ABR: variants seen among roughly 807,000 people sequenced by gnomAD.
The protein encoded by ABR is active breakpoint cluster region-related protein.
Under a neutral mutation model 107.2 loss-of-function variants are expected in ABR, and 35 were observed. The ratio of observed to expected loss-of-function variants is 0.33; its 90% CI spans 0.25 to 0.43. The LOEUF is 0.43. Ranked by LOEUF, ABR falls within the 20% of genes least tolerant of loss-of-function variation. The pLI is 1.00. For missense variants in ABR, 815 were observed against 1,115.2 expected (o/e 0.73, Z 3.83); for synonymous variants, 498 against 462.0 (o/e 1.08, Z -1.00).
rs201627443 is a variant in ABR at position 1,037,033 on chromosome 17, A to T, written c.1791+13017T>A. 1.1e-3 allele frequency among the ~76,000 whole-genome samples: 151 copies of T among 134,272 alleles called. 5 individuals are homozygous for T. In the East Asian group the frequency reaches 0.03, roughly 27 times the overall value. The allele number at this position is 134,272 out of a possible 152,430, so 88.1% of individuals were successfully genotyped here. A position where few individuals can be genotyped will look rare whatever the true frequency, so the allele number is the denominator to read the frequency against. ...CTTCCATCCTTCCTTCCTTCCATCC[A>T]TCCACCCATCCATCCATCCATCCAC... On this transcript the variant is annotated intron_variant, in intron 16 of 22. Transcript: ENST00000302538. This position sits in a 1 kb window ranked among gnomAD's most constrained non-coding sequence, Gnocchi z 4.6.
At chr17:1,116,826 G>A (rs62067943) in intron 2 of ABR, among the ~76,000 whole-genome samples, 9,584 of 152,266 alleles carry the variant, frequency 0.063, 417 homozygotes, top group South Asian at 0.18. Context: ...GGTCCAGCTC[G>A]TGTCCTTCTC....
intron 1 of ABR, among the ~76,000 whole-genome samples, chr17:1,160,941 T>C (rs1032017404): frequency 2.0e-5 from 3 of 152,246 alleles, no homozygotes; most frequent in African/African-American, 7.2e-5. Flanking sequence ...CCTTGCTCTC[T>C]GGCCCCGCCA....
At chr17:1,203,858 C>T (rs2042735785) in intron 1 of ABR, among the ~76,000 whole-genome samples, 1 of 152,186 alleles carries the variant, frequency 6.6e-6, no homozygotes, top group African/African-American at 2.4e-5. Context: ...CCCGCCAGGA[C>T]GTTCCGGTGG....
chr17:1,018,669 C>T (rs1053895157), intron 16 of ABR, among the ~76,000 whole-genome samples: 5 of 152,134 alleles, frequency 3.3e-5, no homozygotes, highest in South Asian at 2.1e-4. Flanking sequence ...CGTGCGCACT[C>T]GGGCAAGGCC....
At chr17:1,159,667 A>AGGAATGTGGTACTCACACACAGG in intron 1 of ABR, among the ~76,000 whole-genome samples, 9 of 47,444 alleles carry the variant, frequency 1.9e-4, no homozygotes, top group African/African-American at 3.0e-4. Flanking sequence ...CAGGAGAAGT[A>AGGAATGTGGTACTCACACACAGG]AGAATGCGGT....
At chr17:1,085,624 A>G (rs1199853750) in intron 4 of ABR, among the ~76,000 whole-genome samples, 1 of 152,184 alleles carries the variant, frequency 6.6e-6, no homozygotes, top group African/African-American at 2.4e-5. Context: ...AGTCGCCACC[A>G]GCTACCTGAG....
intron 2 of ABR, among the ~76,000 whole-genome samples, chr17:1,123,766 G>A (rs1237520704): frequency 1.3e-5 from 2 of 152,128 alleles, no homozygotes; most frequent in Non-Finnish European, 2.9e-5. Context: ...TCTCCTCCTT[G>A]CTCTCCCCTG....
chr17:1,102,880 T>C (rs535314171), intron 2 of ABR, among the ~76,000 whole-genome samples: 1 of 152,138 alleles, frequency 6.6e-6, no homozygotes, highest in Non-Finnish European at 1.5e-5. Context: ...CCACTAATTT[T>C]TGTATTTTTA....
In ABR at chr17:1,008,610, T is replaced by C. The variant is rs2070252653; in HGVS notation, c.2342+1069A>G. Among the ~76,000 whole-genome samples the C allele has an allele frequency of 2.0e-5, 3 of 152,094 alleles. No individual in the cohort carries two copies. In the South Asian group the frequency reaches 6.2e-4, roughly 32 times the overall value. On this transcript the variant is annotated intron_variant, in intron 21 of 22. Transcript: ENST00000302538. ...AGTCCTGGCCAAACCAGAGGAAAAATGTTTCATGATGGGAAAAACAAGACA... is the reference window on the plus strand; with the variant it reads ...AGTCCTGGCCAAACCAGAGGAAAAACGTTTCATGATGGGAAAAACAAGACA...
At chr17:1,034,975 C>G (rs975281398) in intron 16 of ABR, among the ~76,000 whole-genome samples, 5 of 151,998 alleles carry the variant, frequency 3.3e-5, no homozygotes, top group Non-Finnish European at 4.4e-5. Context: ...ACTGGATGAA[C>G]GATGGCCAGC....
chr17:1,175,834 G>A (rs568797197), intron 1 of ABR, among the ~76,000 whole-genome samples: 52 of 152,302 alleles, frequency 3.4e-4, no homozygotes, highest in African/African-American at 1.3e-3. Flanking sequence ...GCTCACGCCT[G>A]TAATCCCAGC....
chr17:1,054,836 G>A (rs1414698658), intron 14 of ABR, among the ~76,000 whole-genome samples: 7 of 152,150 alleles, frequency 4.6e-5, no homozygotes, highest in East Asian at 1.9e-4. Context: ...CTGCTCTAAC[G>A]GCCCGGGGAG....
rs560334005 is a variant in ABR, at chr17:1,215,029, G to C, written c.838+13764C>G. ...GAGTCCAGGTGTTTAAGACCACCCT[G>C]GGCAACATGGCAAAACCCCATTTCT... On this transcript the variant is annotated intron_variant, in intron 1 of 22. Coordinates refer to the ABR transcript ENST00000574139. 2.6e-5 allele frequency among the ~76,000 whole-genome samples: 4 copies of C among 151,970 alleles called. No homozygotes were observed. In the South Asian group the frequency reaches 8.3e-4, roughly 32 times the overall value.
intron 1 of ABR, among the ~76,000 whole-genome samples, chr17:1,145,930 C>T (rs1457656289): frequency 6.6e-6 from 1 of 152,230 alleles, no homozygotes; most frequent in Non-Finnish European, 1.5e-5. Flanking sequence ...CACTGGCCTT[C>T]GGCTCAAAAT....
At chr17:1,031,851 T>TGCC in intron 16 of ABR, 2 of 1,096,328 alleles carry the variant, frequency 1.8e-6, no homozygotes, top group Non-Finnish European at 1.1e-6. Flanking sequence ...CGCGCTCGCC[T>TGCC]CCCTCCCTCC....
chr17:1,190,927 A>C (rs1230402489), upstream of ABR, among the ~76,000 whole-genome samples: 1 of 152,218 alleles, frequency 6.6e-6, no homozygotes, highest in Non-Finnish European at 1.5e-5. Flanking sequence ...AATATGATAG[A>C]AATGGATTCT....
At chr17:1,115,096 G>A (rs1409973168) in intron 2 of ABR, among the ~76,000 whole-genome samples, 2 of 152,132 alleles carry the variant, frequency 1.3e-5, no homozygotes, top group East Asian at 1.9e-4. Flanking sequence ...AGGGAAGGGG[G>A]GCCCCATAGG....
intron 1 of ABR, among the ~76,000 whole-genome samples, chr17:1,192,637 G>A (rs1270735452): frequency 2.6e-5 from 4 of 151,742 alleles, no homozygotes; most frequent in African/African-American, 9.7e-5. Context: ...AATTAGCTGG[G>A]CATGGTGGAA....
intron 3 of ABR, among the ~76,000 whole-genome samples, chr17:1,095,786 C>T (rs773860609): frequency 2.8e-4 from 42 of 152,206 alleles, no homozygotes; most frequent in Admixed American, 1.3e-4. Flanking sequence ...ACCGGCCTTT[C>T]GAAATAAGGG....
Sources: gnomAD v4.1 joint callset for allele counts (sites outside exome capture counted in the v4.1 genomes callset) on GRCh38, gnomAD v4.1.1 for gene constraint, Gnocchi (gnomAD v3.1) non-coding constraint, MANE v1.5 for transcripts, NCBI Gene and HGNC (gene_info 2026-07-23, HGNC 2026-07-21) for gene names.